Variants in ARHGAP42 observed in about 807,000 individuals in gnomAD.
The protein encoded by ARHGAP42 is Rho GTPase activating protein 42.
Under a neutral mutation model 125.0 loss-of-function variants are expected in ARHGAP42, and 63 were observed. The observed-to-expected ratio is 0.50, with a 90% CI of 0.41 to 0.62. The LOEUF is 0.62. ARHGAP42 is among the 20% of genes least tolerant of loss of function. The pLI, the probability that ARHGAP42 is intolerant of heterozygous loss-of-function variation, is 0.00. For missense variants in ARHGAP42, 766 were observed against 1,024.2 expected, an observed-to-expected ratio of 0.75 and a Z score of 3.44; for synonymous variants, 339 against 351.0, an observed-to-expected ratio of 0.97 and a Z score of 0.38.
At chr11:100,750,761 C>T (rs892568187) in intron 1 of ARHGAP42, among the ~76,000 whole-genome samples, 4 of 152,006 alleles carry the variant, frequency 2.6e-5, no homozygotes, top group Non-Finnish European at 5.9e-5. Context: ...AGCAGGTTAT[C>T]GAATATGGTT....
intron 4 of ARHGAP42, among the ~76,000 whole-genome samples, chr11:100,877,842 T>C (rs1239141869): frequency 6.6e-6 from 1 of 151,540 alleles, no homozygotes; most frequent in Admixed American, 6.6e-5. Flanking sequence ...CCGTCTCCAG[T>C]AAAAATACAA....
intron 3 of ARHGAP42, among the ~76,000 whole-genome samples, chr11:100,809,276 G>A (rs1864081226): frequency 1.3e-5 from 2 of 152,192 alleles, no homozygotes; most frequent in South Asian, 4.2e-4. Context: ...AAGAAAGGTA[G>A]GAGAGGCTCT....
chr11:100,856,356 A>G (rs564908935), intron 3 of ARHGAP42, among the ~76,000 whole-genome samples: 13 of 152,162 alleles, frequency 8.5e-5, no homozygotes, highest in Non-Finnish European at 1.6e-4. Context: ...TTGACTTCAC[A>G]CTTGGATTGC....
At chr11:100,817,177 T>A (rs1864286260) in intron 3 of ARHGAP42, among the ~76,000 whole-genome samples, 1 of 152,174 alleles carries the variant, frequency 6.6e-6, no homozygotes, top group South Asian at 2.1e-4. Flanking sequence ...GACTATTTCA[T>A]GTGTTGTAGG....
At chr11:100,921,364 G>A (rs555525414) in intron 5 of ARHGAP42, 130 bp from the exon 6 acceptor site, 13 of 629,612 alleles carry the variant, frequency 2.1e-5, no homozygotes, top group Non-Finnish European at 3.2e-5. Flanking sequence ...AGCTCCTGTA[G>A]GCAAGGACTA....
At chr11:100,784,243 G>A (rs1863380880) in intron 2 of ARHGAP42, among the ~76,000 whole-genome samples, 1 of 152,176 alleles carries the variant, frequency 6.6e-6, no homozygotes, top group Non-Finnish European at 1.5e-5. Context: ...AAGTTACATA[G>A]GCACGTACCT....
intron 3 of ARHGAP42, among the ~76,000 whole-genome samples, chr11:100,804,546 AAT>A (rs1863943945): frequency 6.7e-6 from 1 of 149,842 alleles, no homozygotes. Flanking sequence ...TTAATTTTTA[AAT>A]TTTTTTTTTT....
intron 1 of ARHGAP42, among the ~76,000 whole-genome samples, chr11:100,738,174 T>C (rs1444687377): frequency 6.6e-6 from 1 of 152,206 alleles, no homozygotes; most frequent in African/African-American, 2.4e-5. Flanking sequence ...AGCCTTTAAT[T>C]TATAGCTGTC....
intron 4 of ARHGAP42, among the ~76,000 whole-genome samples, chr11:100,901,040 G>T (rs994884820): frequency 6.6e-6 from 1 of 152,040 alleles, no homozygotes; most frequent in Non-Finnish European, 1.5e-5. Context: ...TCTGCCTTTG[G>T]TCTTTGATGT....
At chr11:100,943,684 A>C in intron 9 of ARHGAP42, 75 bp from the exon 10 acceptor site, 8 of 1,025,488 alleles carry the variant, frequency 7.8e-6, no homozygotes, top group Non-Finnish European at 1.2e-5. Context: ...TAATGTGGCA[A>C]CTTGAGCTCA....
intron 3 of ARHGAP42, among the ~76,000 whole-genome samples, chr11:100,798,347 A>G (rs569641298): frequency 1.2e-4 from 18 of 152,214 alleles, no homozygotes; most frequent in Non-Finnish European, 2.4e-4. Flanking sequence ...GGAAGATTCA[A>G]TCAATGCTAC....
At chr11:100,728,335 T>G (rs1186240024) in intron 1 of ARHGAP42, among the ~76,000 whole-genome samples, 1 of 152,114 alleles carries the variant, frequency 6.6e-6, no homozygotes, top group Non-Finnish European at 1.5e-5. Context: ...ACCTATAAGC[T>G]GAGTCTTAGG....
chr11:100,710,538 G>GTAT (rs1861545856), intron 1 of ARHGAP42, among the ~76,000 whole-genome samples: 2 of 107,250 alleles, frequency 1.9e-5, no homozygotes, highest in Non-Finnish European at 3.5e-5. Context: ...CCGGCCAGCA[G>GTAT]TTTTTTTTTT....
chr11:100,763,049 G>A (rs530500749), intron 1 of ARHGAP42, among the ~76,000 whole-genome samples: 49 of 137,614 alleles, frequency 3.6e-4, no homozygotes, highest in Non-Finnish European at 5.9e-4. Flanking sequence ...GCATGATCTC[G>A]GCTCACCACA....
At chr11:100,708,784 G>C (rs771631614) in intron 1 of ARHGAP42, among the ~76,000 whole-genome samples, 15 of 152,060 alleles carry the variant, frequency 9.9e-5, no homozygotes, top group Non-Finnish European at 2.1e-4. Flanking sequence ...AGATAAGTTT[G>C]AAGACCCTCA....
intron 2 of ARHGAP42, among the ~76,000 whole-genome samples, chr11:100,772,460 G>A (rs1395961653): frequency 6.6e-6 from 1 of 152,156 alleles, no homozygotes; most frequent in Non-Finnish European, 1.5e-5. Context: ...AGGGGAGGGT[G>A]TAGTGGCTGG....
At position 100,735,002 on chromosome 11, in the gene ARHGAP42, AAACAACAAC is replaced by A. The variant is rs201001433; in HGVS notation, c.155-35323_155-35315del. Among the ~76,000 whole-genome samples, 4 of 151,802 alleles carry A rather than the reference AAACAACAAC, an allele frequency of 2.6e-5. No individual in the cohort carries two copies. In the East Asian group the frequency reaches 5.8e-4, roughly 22 times the overall value. Reference sequence around the variant, plus strand: ...CAATCTGAAAACAACTACAACAACAAAACAACAACAACAACAACAACAACAAAACCCTGT... The same window carrying A: ...CAATCTGAAAACAACTACAACAACAAAACAACAACAACAACAAAACCCTGT... On this transcript the variant is annotated intron_variant, in intron 1 of 23. Transcript: ENST00000298815.
chr11:100,978,276 C>T (rs1386671013), intron 21 of ARHGAP42, among the ~76,000 whole-genome samples: 1 of 151,986 alleles, frequency 6.6e-6, no homozygotes. Context: ...TGGCTTGGCT[C>T]TGGGAGAAGA....
intron 3 of ARHGAP42, among the ~76,000 whole-genome samples, chr11:100,858,064 G>A (rs560550168): frequency 3.4e-5 from 5 of 146,270 alleles, no homozygotes; most frequent in South Asian, 2.2e-4. Flanking sequence ...GCTATGTGTC[G>A]CATCTGTACA....
Sources: gnomAD v4.1 joint callset for allele counts (sites outside exome capture counted in the v4.1 genomes callset) on GRCh38, gnomAD v4.1.1 for gene constraint, MANE v1.5 for transcripts, NCBI Gene and HGNC (gene_info 2026-07-23, HGNC 2026-07-21) for gene names.